Variants in TMC6 observed in about 807,000 individuals in gnomAD.
TMC6 encodes the protein transmembrane channel like 6.
TMC6 carries 71 observed loss-of-function variants against 95.4 expected under a neutral mutation model. That is an observed-to-expected ratio of 0.74 (90% CI 0.61 to 0.91). The LOEUF (loss-of-function observed/expected upper bound fraction) is 0.91, where lower values mean the gene tolerates loss of function less well. TMC6 is among the 40% of genes least tolerant of loss of function. The pLI is 0.00. For missense variants in TMC6, 1,074 were observed against 1,079.1 expected, an observed-to-expected ratio of 1.00 and a Z score of 0.07; for synonymous variants, 514 against 483.1, an observed-to-expected ratio of 1.06 and a Z score of -0.84.
chr17:78,125,312 G>A (rs1412466610), intron 5 of TMC6, 49 bp from the exon 6 acceptor site: 1 of 1,506,614 alleles, frequency 6.6e-7, no homozygotes, highest in Non-Finnish European at 9.0e-7. Flanking sequence ...GCCCCTCCCT[G>A]CAGCCCGAAG....
chr17:78,109,802 C>T lies in TMC6; in HGVS notation c.*3346G>A, dbSNP rs1013995792. Reference sequence around the variant, plus strand: ...TCACATCCGGCCAGGCATGGTGGCTCATGCCTGTAATCCCAGCACTTTGGG... The same window carrying T: ...TCACATCCGGCCAGGCATGGTGGCTTATGCCTGTAATCCCAGCACTTTGGG... On this transcript the variant is annotated 3_prime_UTR_variant, in exon 20 of 20. Coordinates refer to ENST00000590602, the MANE Select transcript of TMC6 (RefSeq NM_001127198.5). 5.9e-6 allele frequency: 2 copies of T among 340,636 alleles called. No individual in the cohort carries two copies. Among genetic ancestry groups the T allele is most frequent in the Non-Finnish European group, 1.2e-5 (2 of 171,970 alleles). The allele number at this position is 340,636 out of a possible 1,614,324, so 21.1% of individuals were successfully genotyped here.
rs995338370 is a variant in TMC6 at position 78,126,789 on chromosome 17, G to A, written c.44C>T (p.Pro15Leu). The A allele has an allele frequency of 3.1e-6, 5 of 1,613,194 alleles. No homozygotes were observed. In the Admixed American group the frequency reaches 5.0e-5, roughly 16 times the overall value. Residue 15 changes from proline to leucine, a missense_variant, in exon 2 of 20, where the codon CCA becomes CTA. By Grantham distance (98) the Pro-to-Leu change is moderately conservative. Coordinates refer to ENST00000590602, the MANE Select transcript of TMC6 (RefSeq NM_001127198.5). ...LAFILDVPET[P>L]GDQGQGPSPY... is the part of the protein sequence containing the mutation. Reference sequence around the variant, plus strand: ...CCAGAGCGCTTACCCCTGGTCCCCTGGGGTCTCAGGGACATCGAGGATGAA... The same window carrying A: ...CCAGAGCGCTTACCCCTGGTCCCCTAGGGTCTCAGGGACATCGAGGATGAA...
In TMC6 at chr17:78,112,192, G is replaced by T; in HGVS notation, c.*956C>A. 1 of 243,966 alleles carries T rather than the reference G, an allele frequency of 4.1e-6. No homozygotes were observed. 15.1% of individuals were successfully genotyped at this position (243,966 alleles called of 1,614,324 possible). ...CACAGACCTGGAGCACTGGGGTCAT[G>T]ACGGGCTGGTCCCCGCAGGCCTGGA... On this transcript the variant is annotated 3_prime_UTR_variant, in exon 20 of 20. Transcript: ENST00000590602.
rs974957179 is a variant in TMC6, at chr17:78,121,466, G to A, written c.1383+90C>T. On this transcript the variant is annotated intron_variant, in intron 11 of 19. Coordinates refer to ENST00000590602, the MANE Select transcript of TMC6 (RefSeq NM_001127198.5). The surrounding 1 kb of genome is among the most constrained non-coding windows in gnomAD (Gnocchi z 5.6). The stretch of plus-strand genomic sequence containing the variant: ...ACCCTGGGCTGGCTGGGTGGAGGAG[G>A]AGAGGCAAGGCTGCCTCCCCAGGGG... 1.9e-6 allele frequency: 3 copies of A among 1,586,362 alleles called. No individual in the cohort carries two copies. Among genetic ancestry groups the A allele is most frequent in the Non-Finnish European group, 2.6e-6 (3 of 1,167,634 alleles).
intron 15 of TMC6, 98 bp downstream of exon 15, chr17:78,118,873 G>T: frequency 7.4e-7 from 1 of 1,352,442 alleles, no homozygotes; most frequent in Non-Finnish European, 1.0e-6. Flanking sequence ...CACTCAGGTG[G>T]GGAGGGTTCT....
rs1452583953 is a variant in TMC6, at chr17:78,124,615, A to G, written c.800T>C (p.Val267Ala). ...GACCTGAGGGCCCATGATGAAGGCC[A>G]CCAGCAGCAGCAGCAGGAGGGCATT... ...AFNALLLLLL[V>A]AFIMGPQVAF... Residue 267 changes from valine to alanine, a missense_variant, in exon 8 of 20, where the codon GTG (valine) becomes GCG (alanine). Val to Ala is a moderately conservative substitution (Grantham distance 64). Coordinates refer to ENST00000590602, the MANE Select transcript of TMC6 (RefSeq NM_001127198.5). 6.2e-7 allele frequency: 1 copy of G among 1,612,420 alleles called. No homozygotes were observed. Among genetic ancestry groups the G allele is most frequent in the Non-Finnish European group, 8.5e-7 (1 of 1,179,794 alleles).
rs755596766 is a variant in TMC6, at chr17:78,113,183, G to C, written c.2383C>G (p.Pro795Ala). The stretch of plus-strand genomic sequence containing the variant: ...TGTTCATCTGTGAGCAGGGCAGGGG[G>C]TGCCGCAGCCTCCTCGGTTGTCCCA... The part of the protein sequence containing the change: ...RVGTTEEAAA[P>A]PALLTDEQDA Residue 795 changes from proline to alanine, a missense_variant, in exon 20 of 20, where the codon CCC becomes GCC. Coordinates refer to ENST00000590602, the MANE Select transcript of TMC6 (RefSeq NM_001127198.5). 1 of 1,558,272 alleles carries C rather than the reference G, an allele frequency of 6.4e-7. No homozygotes were observed.
intron 15 of TMC6, among the ~76,000 whole-genome samples, 164 bp downstream of exon 15, chr17:78,118,807 G>C (rs891500845): frequency 2.6e-5 from 4 of 152,212 alleles, no homozygotes; most frequent in African/African-American, 9.6e-5. Context: ...AGAGGGGTCA[G>C]CCGTCCCTTG....
chr17:78,130,677 T>G (rs922701404), upstream of TMC6: 1 of 152,272 alleles, frequency 6.6e-6, no homozygotes, highest in Non-Finnish European at 1.5e-5. Context: ...CTGCTTGGCC[T>G]CAGTTTAAAG....
chr17:78,112,750 A>C lies in TMC6; in HGVS notation c.*398T>G. On this transcript the variant is annotated 3_prime_UTR_variant, in exon 20 of 20. Transcript: ENST00000590602. ...CAGGCTGGTCAAAGGCAGCAAGCGAATCAAGCCCTGGCGCGGTCCAGCCCC... is the reference window on the plus strand; with the variant it reads ...CAGGCTGGTCAAAGGCAGCAAGCGACTCAAGCCCTGGCGCGGTCCAGCCCC... 3.4e-6 allele frequency: 1 copy of C among 292,480 alleles called. No individual in the cohort carries two copies. The highest frequency in any genetic ancestry group is 6.5e-6 in the Non-Finnish European group (1 of 153,022). The allele number at this position is 292,480 out of a possible 1,614,324, so 18.1% of individuals were successfully genotyped here.
rs564327127 is a variant in TMC6, at chr17:78,113,551, C to T, written c.2351G>A (p.Ser784Asn). 2 of 1,614,006 alleles carry T rather than the reference C, an allele frequency of 1.2e-6. No individual in the cohort carries two copies. The highest frequency in any genetic ancestry group is 2.2e-5 in the South Asian group (2 of 91,082). Residue 784 changes from serine (S) to asparagine (N), a missense_variant, in exon 19 of 20, where the codon AGC becomes AAC. Coordinates refer to ENST00000590602, the MANE Select transcript of TMC6 (RefSeq NM_001127198.5). ...CAATCCCTCCACGGACCCTCACCTG[C>T]TCCTCTCCTCCCTCTCCTTCCTCTC... ...IYERKEREERSRVGTTEEAAA... is the reference protein window; with the variant it reads ...IYERKEREERNRVGTTEEAAA...
intron 1 of TMC6, among the ~76,000 whole-genome samples, chr17:78,127,867 A>G (rs1223860781): frequency 6.6e-6 from 1 of 152,202 alleles, no homozygotes; most frequent in Non-Finnish European, 1.5e-5. Flanking sequence ...CTTCGGGCCC[A>G]GGCCCCACAC....
At chr17:78,118,870 G>T (rs896518957) in intron 15 of TMC6, 101 bp downstream of exon 15, 41 of 1,339,574 alleles carry the variant, frequency 3.1e-5, no homozygotes, top group Non-Finnish European at 3.9e-5. Flanking sequence ...CTCCACTCAG[G>T]TGGGGAGGGT....
chr17:78,129,117 C>CAA (rs1491292744), upstream of TMC6, among the ~76,000 whole-genome samples: 3 of 27,538 alleles, frequency 1.1e-4, no homozygotes, highest in African/African-American at 2.5e-4. This position sits in a 1 kb window ranked among gnomAD's most constrained non-coding sequence, Gnocchi z 4.3. Context: ...TTGGGCAGCG[C>CAA]CCCCCCCCCC....
intron 6 of TMC6, 24 bp downstream of exon 6, chr17:78,125,134 A>G (rs903148036): frequency 1.4e-5 from 21 of 1,553,372 alleles, no homozygotes; most frequent in Non-Finnish European, 1.7e-5. Context: ...CAGCGGCGGC[A>G]TGGTCAGGGT....
In TMC6 at chr17:78,124,080, T is replaced by C. The variant is rs2074569792; in HGVS notation, c.991A>G (p.Arg331Gly). 3 of 1,613,392 alleles carry C rather than the reference T, an allele frequency of 1.9e-6. No homozygotes were observed. The highest frequency in any genetic ancestry group is 1.7e-6 in the Non-Finnish European group (2 of 1,179,962). ...ATGTTGTAGGGCAGGCCACCCACCC[T>C]GGGTGTGCACTGGCTGCCATCCAGG... is the stretch of plus-strand genomic sequence containing the variant. Reference protein sequence around the residue: ...SPLDGSQCTPRVGGLPYNMPL... With the variant: ...SPLDGSQCTPGVGGLPYNMPL... Residue 331 changes from arginine to glycine, a missense_variant, in exon 9 of 20, where the codon AGG becomes GGG. Coordinates refer to ENST00000590602, the MANE Select transcript of TMC6 (RefSeq NM_001127198.5).
chr17:78,118,033 C>T (rs988049349), intron 15 of TMC6, 98 bp from the exon 16 acceptor site: 14 of 1,538,052 alleles, frequency 9.1e-6, no homozygotes, highest in South Asian at 3.6e-5. Context: ...CAGGGCTGTG[C>T]GTCCAGGCAG....
Position 78,125,752 on chromosome 17 carries a change from A to G in TMC6, c.404T>C (p.Leu135Pro), listed in dbSNP as rs2074677481. Residue 135 changes from leucine to proline, a missense_variant, in exon 5 of 20, where the codon CTG (leucine) becomes CCG (proline). Physicochemically the swap from Leu to Pro is moderately conservative, Grantham distance 98. Transcript: ENST00000590602. ...CTCCTCCTCCAGGGCCGTGGGGTCC[A>G]GCTCCAGGTCGTACAGGCGGAGGCT... ...WPSLRLYDLE[L>P]DPTALEEEEK... 6.4e-7 allele frequency: 1 copy of G among 1,569,244 alleles called. No individual in the cohort carries two copies. The highest frequency in any genetic ancestry group is 1.2e-5 in the South Asian group (1 of 85,366).
chr17:78,130,166 C>T (rs1568008984), upstream of TMC6, among the ~76,000 whole-genome samples: 2 of 152,206 alleles, frequency 1.3e-5, no homozygotes, highest in African/African-American at 2.4e-5. Flanking sequence ...GGAGCCAATT[C>T]CTGAGCACTT....
Sources: allele counts gnomAD v4.1 joint callset (sites outside exome capture counted in the v4.1 genomes callset), GRCh38; gene constraint gnomAD v4.1.1; non-coding constraint Gnocchi (gnomAD v3.1); transcripts MANE v1.5; gene names NCBI Gene and HGNC (gene_info 2026-07-23, HGNC 2026-07-21).